Variants in MGAT4A observed in about 807,000 individuals in gnomAD.
MGAT4A encodes the protein N-acetylglucosaminyltransferase IVa.
MGAT4A carries 33 observed loss-of-function variants against 74.1 expected under a neutral mutation model. The ratio of observed to expected loss-of-function variants is 0.45; its 90% CI spans 0.34 to 0.60. The LOEUF is 0.60. Among genes scored for constraint, MGAT4A ranks in the 20% least tolerant of loss-of-function variants. The pLI, the probability that MGAT4A is intolerant of heterozygous loss-of-function variation, is 0.02. For synonymous variants in MGAT4A, 198 were observed against 210.4 expected, an observed-to-expected ratio of 0.94 and a Z score of 0.51; for missense variants, 479 against 628.3, an observed-to-expected ratio of 0.76 and a Z score of 2.54.
chr2:98,642,185 G>A (rs936501851), intron 10 of MGAT4A, among the ~76,000 whole-genome samples: 4 of 152,052 alleles, frequency 2.6e-5, no homozygotes, highest in Non-Finnish European at 4.4e-5. Flanking sequence ...AGAGTCAAAG[G>A]GAAGGGCAAA....
chr2:98,671,042 A>G (rs1359207878), intron 4 of MGAT4A, among the ~76,000 whole-genome samples: 1 of 152,070 alleles, frequency 6.6e-6, no homozygotes, highest in Non-Finnish European at 1.5e-5. Context: ...CCCCTATCTC[A>G]CTGAATGGCC....
Position 98,726,301 on chromosome 2 carries a change from G to C in MGAT4A, c.32C>G (p.Ala11Gly). MRLRNGTVAT[A>G]LAFITSFLTL... ...AAGGAAGGAAGTGATAAATGCTAAA[G>C]CAGTGGCTACAGTTCCATTGCGGAG... is the stretch of plus-strand genomic sequence containing the variant. Residue 11 changes from alanine (A) to glycine (G), a missense_variant, in exon 2 of 16, where the codon GCT (alanine) becomes GGT (glycine). Physicochemically the swap from Ala to Gly is moderately conservative, Grantham distance 60 (BLOSUM62 0). This residue lies in a region of MGAT4A where 205 missense variants were observed against 232.7 expected (regional missense o/e 0.88). Coordinates refer to ENST00000393487, the MANE Select transcript of MGAT4A (RefSeq NM_012214.3). 5 of 1,614,080 alleles carry C rather than the reference G, an allele frequency of 3.1e-6. No individual in the cohort carries two copies. Among genetic ancestry groups the C allele is most frequent in the Non-Finnish European group, 4.2e-6 (5 of 1,179,926 alleles).
intron 2 of MGAT4A, among the ~76,000 whole-genome samples, chr2:98,724,947 C>T (rs116737545): frequency 6.8e-4 from 103 of 152,306 alleles, no homozygotes; most frequent in African/African-American, 2.0e-3. Context: ...TGATGGCCTG[C>T]GCCTGTAGTC....
At chr2:98,642,978 C>T (rs575468066) in intron 10 of MGAT4A, among the ~76,000 whole-genome samples, 5 of 152,174 alleles carry the variant, frequency 3.3e-5, no homozygotes, top group South Asian at 4.1e-4. Context: ...CAAACTAATG[C>T]TTATTTGTTA....
chr2:98,657,104 T>C (rs564985194), intron 6 of MGAT4A, among the ~76,000 whole-genome samples: 2 of 152,350 alleles, frequency 1.3e-5, no homozygotes, highest in South Asian at 4.1e-4. Flanking sequence ...AAAAATTATC[T>C]GGCCCAAAAT....
At chr2:98,664,924 T>G (rs1177822470) in intron 4 of MGAT4A, among the ~76,000 whole-genome samples, 2 of 152,190 alleles carry the variant, frequency 1.3e-5, no homozygotes, top group South Asian at 4.1e-4. Flanking sequence ...CCTTAAAGTC[T>G]TAGTACGCTA....
intron 2 of MGAT4A, among the ~76,000 whole-genome samples, chr2:98,712,411 C>CCTTTT (rs1342437210): frequency 6.6e-6 from 1 of 152,150 alleles, no homozygotes; most frequent in Non-Finnish European, 1.5e-5. Context: ...GAGAAAGACT[C>CCTTTT]CTTTTTAAAA....
In MGAT4A at chr2:98,624,904, A is replaced by G. The variant is rs1701121907; in HGVS notation, c.*662T>C. The stretch of plus-strand genomic sequence containing the variant: ...GTCTTTGAAAATATTTTGTTCAGTC[A>G]CTGTGATTATAAAAGTACTTCAATT... On this transcript the variant is annotated 3_prime_UTR_variant, in exon 16 of 16. Coordinates refer to ENST00000393487, the MANE Select transcript of MGAT4A (RefSeq NM_012214.3). 4 of 984,202 alleles carry G rather than the reference A, an allele frequency of 4.1e-6. No homozygotes were observed. The highest frequency in any genetic ancestry group is 1.7e-5 in the African/African-American group (1 of 57,208). 61.0% of individuals were successfully genotyped at this position (984,202 alleles called of 1,614,324 possible). A position where few individuals can be genotyped will look rare whatever the true frequency, so the allele number is the denominator to read the frequency against.
At chr2:98,636,722 A>G in intron 12 of MGAT4A, 127 bp from the exon 13 acceptor site, 2 of 721,194 alleles carry the variant, frequency 2.8e-6, no homozygotes, top group Non-Finnish European at 4.9e-6. Context: ...TGACAACGCT[A>G]GAGCTTCTAA....
Position 98,621,759 on chromosome 2 carries a change from A to T in MGAT4A, c.*3807T>A. ...ATAACCAGTCTTTTCTTTGAGGGAC[A>T]GCACTGTTGGGAGACAACCTCTTTT... On this transcript the variant is annotated 3_prime_UTR_variant, in exon 16 of 16. Transcript: ENST00000393487. 3.4e-6 allele frequency: 4 copies of T among 1,193,144 alleles called. No homozygotes were observed. The highest frequency in any genetic ancestry group is 4.2e-6 in the Non-Finnish European group (4 of 962,306). 73.9% of individuals were successfully genotyped at this position (1,193,144 alleles called of 1,614,324 possible).
intron 4 of MGAT4A, among the ~76,000 whole-genome samples, chr2:98,667,486 T>G (rs1259239238): frequency 6.6e-6 from 1 of 152,140 alleles, no homozygotes. Flanking sequence ...GCTAAGGTGG[T>G]CTCAGATGGA....
At chr2:98,709,491 C>T (rs1045472719) in intron 2 of MGAT4A, among the ~76,000 whole-genome samples, 3 of 151,850 alleles carry the variant, frequency 2.0e-5, no homozygotes, top group Non-Finnish European at 4.4e-5. Context: ...TGAGGCGCAA[C>T]AAAAATAAGA....
rs1156443972 is a variant in MGAT4A at position 98,660,459 on chromosome 2, A to ACAC, written c.538-2196_538-2195insGTG. Among the ~76,000 whole-genome samples, 3 of 108,052 alleles carry ACAC rather than the reference A, an allele frequency of 2.8e-5. No individual in the cohort carries two copies. In the Admixed American group the frequency reaches 2.8e-4, roughly 10 times the overall value. 70.9% of individuals were successfully genotyped at this position (108,052 alleles called of 152,430 possible). A position where few individuals can be genotyped will look rare whatever the true frequency, so the allele number is the denominator to read the frequency against. ...ACACACACACACACACACACACACA[A>ACAC]CAAATAGCCAAGGTAATCATGAGGA... On this transcript the variant is annotated intron_variant, in intron 5 of 15. Transcript: ENST00000393487.
At chr2:98,641,499 CAAAAAAAAA>C (rs1205460540) in intron 10 of MGAT4A, among the ~76,000 whole-genome samples, 3 of 75,280 alleles carry the variant, frequency 4.0e-5, no homozygotes, top group Non-Finnish European at 5.0e-5. Flanking sequence ...ACTAAAAATA[CAAAAAAAAA>C]AAAAAAAAAA....
At chr2:98,630,148 T>C (rs1046326059) in intron 14 of MGAT4A, among the ~76,000 whole-genome samples, 1 of 152,228 alleles carries the variant, frequency 6.6e-6, no homozygotes, top group Non-Finnish European at 1.5e-5. Context: ...CTCTCATACA[T>C]GTGCACAAGT....
At chr2:98,682,975 C>T (rs1265228199) in intron 2 of MGAT4A, among the ~76,000 whole-genome samples, 1 of 151,846 alleles carries the variant, frequency 6.6e-6, no homozygotes, top group Non-Finnish European at 1.5e-5. Context: ...GTAGTCCCAG[C>T]TATGCGGGAA....
intron 4 of MGAT4A, among the ~76,000 whole-genome samples, chr2:98,674,329 C>T (rs888393212): frequency 6.6e-6 from 1 of 152,144 alleles, no homozygotes; most frequent in African/African-American, 2.4e-5. Flanking sequence ...TTAAAATCTA[C>T]AAAGAAAAGA....
In MGAT4A at chr2:98,675,191, A is replaced by G. The variant is rs1295443534; in HGVS notation, c.263-16T>C. Reference sequence around the variant, plus strand: ...AGGGTATTATCTGAAACACAGAAGTATAATTAATATACAAGAATTACCTTA... The same window carrying G: ...AGGGTATTATCTGAAACACAGAAGTGTAATTAATATACAAGAATTACCTTA... On this transcript the variant is annotated splice_polypyrimidine_tract_variant and intron_variant, in intron 3 of 15. Transcript: ENST00000393487. 4.6e-6 allele frequency: 7 copies of G among 1,537,120 alleles called. No individual in the cohort carries two copies. Among genetic ancestry groups the G allele is most frequent in the Middle Eastern group, 1.8e-4 (1 of 5,640 alleles).
In MGAT4A at chr2:98,636,539, G is replaced by A; in HGVS notation, c.1379C>T (p.Thr460Ile). Residue 460 changes from threonine to isoleucine, a missense_variant, in exon 13 of 16, where the codon ACT (threonine) becomes ATT (isoleucine). Thr to Ile is a moderately conservative substitution (Grantham distance 89). Around this residue, in one of 3 missense-constraint regions of MGAT4A, gnomAD observed 236 missense variants for 308.2 expected, o/e 0.77. Transcript: ENST00000393487. ...TACCTTAAAAGGCAAAACTTCCACA[G>A]TTGTGTTTAGCAGAATATCTCCAGG... Reference protein sequence around the residue: ...EHPGDILLNTTVEVLPFKSEG... With the variant: ...EHPGDILLNTIVEVLPFKSEG... 6.2e-7 allele frequency: 1 copy of A among 1,613,794 alleles called. No individual in the cohort carries two copies. The highest frequency in any genetic ancestry group is 8.5e-7 in the Non-Finnish European group (1 of 1,179,718).
Sources: gnomAD v4.1 joint callset for allele counts (sites outside exome capture counted in the v4.1 genomes callset) on GRCh38, gnomAD v4.1.1 for gene constraint, gnomAD v4.1.1 regional missense constraint, MANE v1.5 for transcripts, NCBI Gene and HGNC (gene_info 2026-07-23, HGNC 2026-07-21) for gene names.